WWOX: variants seen among roughly 807,000 people sequenced by gnomAD.
WWOX encodes WW domain containing oxidoreductase.
A neutral mutation model predicts 46.2 loss-of-function variants in WWOX; 69 were observed. The observed-to-expected ratio is 1.49, with a 90% CI of 1.23 to 1.82. WWOX has a LOEUF of 1.82. Ranked by LOEUF, WWOX falls within the 40% of genes most tolerant of loss-of-function variation. The probability of loss-of-function intolerance (pLI) is 0.00; values close to 1 mark genes in which losing one functional copy is unlikely to be tolerated. For synonymous variants in WWOX, 359 were observed against 202.6 expected (o/e 1.77, Z -6.56); for missense variants, 919 against 542.6 (o/e 1.69, Z -6.89).
intron 8 of WWOX, among the ~76,000 whole-genome samples, chr16:78,457,043 T>A (rs1231222793): frequency 6.6e-6 from 1 of 152,350 alleles, no homozygotes; most frequent in East Asian, 1.9e-4. Flanking sequence ...GATGTTGAAA[T>A]GTCACACAAT....
intron 8 of WWOX, among the ~76,000 whole-genome samples, chr16:79,134,377 G>C (rs1281357757): frequency 6.6e-6 from 1 of 152,140 alleles, no homozygotes; most frequent in African/African-American, 2.4e-5. Flanking sequence ...GGTTGCAACA[G>C]GCAGCCCAGC....
At chr16:78,615,715 G>A (rs1017928133) in intron 8 of WWOX, among the ~76,000 whole-genome samples, 1 of 151,616 alleles carries the variant, frequency 6.6e-6, no homozygotes, top group Admixed American at 6.6e-5. Flanking sequence ...TGAAAGAAAG[G>A]GAAGGAAGAA....
intron 8 of WWOX, among the ~76,000 whole-genome samples, chr16:78,805,607 G>C (rs2142679337): frequency 1.3e-5 from 2 of 152,274 alleles, no homozygotes; most frequent in Middle Eastern, 6.8e-3. Flanking sequence ...GAGGCATCTT[G>C]AAGGTAGATG....
At chr16:79,208,274 C>A (rs1399824688) in intron 8 of WWOX, among the ~76,000 whole-genome samples, 3 of 152,074 alleles carry the variant, frequency 2.0e-5, no homozygotes, top group Admixed American at 1.3e-4. Context: ...AGTCCTGTGT[C>A]GTCAACAACC....
At chr16:78,371,938 G>A (rs959923370) in intron 5 of WWOX, among the ~76,000 whole-genome samples, 1 of 152,156 alleles carries the variant, frequency 6.6e-6, no homozygotes, top group Non-Finnish European at 1.5e-5. Flanking sequence ...TCCAGCTTAT[G>A]TAACAGTGCT....
At chr16:78,921,243 C>G (rs7200433) in intron 8 of WWOX, among the ~76,000 whole-genome samples, 1 of 151,982 alleles carries the variant, frequency 6.6e-6, no homozygotes, top group Non-Finnish European at 1.5e-5. Flanking sequence ...GCCTCGAAAC[C>G]GCACTGTGCC....
intron 8 of WWOX, among the ~76,000 whole-genome samples, chr16:78,860,033 A>G (rs2052679357): frequency 6.6e-6 from 1 of 152,198 alleles, no homozygotes; most frequent in Non-Finnish European, 1.5e-5. Flanking sequence ...TAAACTTTTT[A>G]GTTCTCAAAA....
At chr16:78,677,215 C>G (rs2047622283) in intron 8 of WWOX, among the ~76,000 whole-genome samples, 1 of 152,100 alleles carries the variant, frequency 6.6e-6, no homozygotes, top group East Asian at 1.9e-4. Flanking sequence ...TCTTCTCAAA[C>G]CTGAATTATA....
At chr16:78,769,607 A>AGATG (rs1165986357) in intron 8 of WWOX, among the ~76,000 whole-genome samples, 1 of 148,172 alleles carries the variant, frequency 6.7e-6, no homozygotes, top group African/African-American at 2.5e-5. Context: ...TTACTCCATC[A>AGATG]GTCAGGATCC....
chr16:78,613,239 C>T (rs1438821627), intron 8 of WWOX, among the ~76,000 whole-genome samples: 1 of 152,144 alleles, frequency 6.6e-6, no homozygotes, highest in Non-Finnish European at 1.5e-5. Context: ...CTGACATTCC[C>T]AACATCTCTA....
intron 4 of WWOX, among the ~76,000 whole-genome samples, chr16:78,156,272 TG>T (rs2034594185): frequency 6.6e-6 from 1 of 151,820 alleles, no homozygotes; most frequent in African/African-American, 2.4e-5. Context: ...TGGGTTATTT[TG>T]TCAAGTGAGA....
chr16:78,481,978 G>A (rs548855470), intron 8 of WWOX, among the ~76,000 whole-genome samples: 1 of 152,240 alleles, frequency 6.6e-6, no homozygotes, highest in East Asian at 1.9e-4. Context: ...CTGCCTAGCT[G>A]TCTGCATTTC....
chr16:78,597,051 C>G (rs2045507922), intron 8 of WWOX, among the ~76,000 whole-genome samples: 1 of 152,238 alleles, frequency 6.6e-6, no homozygotes, highest in Non-Finnish European at 1.5e-5. Context: ...CCCCTACCCT[C>G]TTCTGCGTAG....
intron 8 of WWOX, among the ~76,000 whole-genome samples, chr16:78,608,704 CG>C (rs1304464180): frequency 1.3e-5 from 2 of 152,198 alleles, no homozygotes; most frequent in Non-Finnish European, 2.9e-5. Context: ...ACTGACATGA[CG>C]GGACCTTTAC....
intron 8 of WWOX, among the ~76,000 whole-genome samples, chr16:78,465,045 A>G (rs745607925): frequency 2.6e-4 from 39 of 152,166 alleles, no homozygotes; most frequent in Non-Finnish European, 4.9e-4. Flanking sequence ...ACTGCCCTTT[A>G]TAAAATCACC....
At chr16:79,005,909 G>A (rs556324575) in intron 8 of WWOX, among the ~76,000 whole-genome samples, 6 of 152,296 alleles carry the variant, frequency 3.9e-5, no homozygotes, top group Admixed American at 1.3e-4. Flanking sequence ...GAGAACAGAA[G>A]GCAGCCCTGG....
chr16:78,294,514 A>G (rs1017500439), intron 5 of WWOX, among the ~76,000 whole-genome samples: 3 of 152,108 alleles, frequency 2.0e-5, no homozygotes, highest in South Asian at 2.1e-4. Context: ...TTCCCTAGTC[A>G]TCTCTTATTT....
At chr16:78,966,687 C>T (rs2046368547) in intron 8 of WWOX, among the ~76,000 whole-genome samples, 1 of 152,130 alleles carries the variant, frequency 6.6e-6, no homozygotes, top group Non-Finnish European at 1.5e-5. Context: ...ATCACTGAGT[C>T]AAAGGGTGCA....
rs1200232300 is a variant in WWOX, at chr16:78,406,335, TATATATATATATATA to T, written c.606-18534_606-18520del. 5.1e-3 allele frequency among the ~76,000 whole-genome samples: 524 copies of T among 102,944 alleles called. 14 individuals are homozygous for T. The highest frequency in any genetic ancestry group is 0.027 in the African/African-American group (476 of 17,324). The allele number at this position is 102,944 out of a possible 152,430, so 67.5% of individuals were successfully genotyped here. ...ATATATATATATATATATATATATA[TATATATATATATATA>T]TATATTTTATTATTTTTTTTTGAGA... On this transcript the variant is annotated intron_variant, in intron 6 of 8. Coordinates refer to ENST00000566780, the MANE Select transcript of WWOX (RefSeq NM_016373.4).
Sources: allele counts gnomAD v4.1 joint callset (sites outside exome capture counted in the v4.1 genomes callset), GRCh38; gene constraint gnomAD v4.1.1; transcripts MANE v1.5; gene names NCBI Gene and HGNC (gene_info 2026-07-23, HGNC 2026-07-21).